Variants in CYTIP observed in about 807,000 individuals in gnomAD.
CYTIP encodes cytohesin-interacting protein.
Under a neutral mutation model 43.8 loss-of-function variants are expected in CYTIP, and 26 were observed. The ratio of observed to expected loss-of-function variants is 0.59; its 90% CI spans 0.44 to 0.82. The LOEUF (loss-of-function observed/expected upper bound fraction) is 0.82. CYTIP is among the 40% of genes least tolerant of loss of function. The pLI is 0.00. For missense variants in CYTIP, 426 were observed against 443.1 expected, an observed-to-expected ratio of 0.96 and a Z score of 0.35; for synonymous variants, 162 against 162.9, an observed-to-expected ratio of 0.99 and a Z score of 0.04.
At chr2:157,424,586 G>A (rs1431918507) in intron 6 of CYTIP, among the ~76,000 whole-genome samples, 1 of 152,040 alleles carries the variant, frequency 6.6e-6, no homozygotes, top group African/African-American at 2.4e-5. Flanking sequence ...AGGAATTCAG[G>A]AGGCTGAGAT....
At chr2:157,442,380 G>A (rs1685931509) in intron 1 of CYTIP, among the ~76,000 whole-genome samples, 1 of 151,508 alleles carries the variant, frequency 6.6e-6, no homozygotes, top group African/African-American at 2.4e-5. Context: ...GCATGGGCTA[G>A]AGAGTAGATC....
intron 1 of CYTIP, among the ~76,000 whole-genome samples, chr2:157,440,549 C>T (rs1685889244): frequency 6.6e-6 from 1 of 152,106 alleles, no homozygotes; most frequent in Non-Finnish European, 1.5e-5. Flanking sequence ...AGTTACGGCA[C>T]CTGATGGGTG....
At chr2:157,416,238 G>T in intron 7 of CYTIP, 95 bp from the exon 8 acceptor site, 1 of 1,026,028 alleles carries the variant, frequency 9.7e-7, no homozygotes, top group Non-Finnish European at 1.4e-6. Context: ...ACACGAGAAA[G>T]AGTAAGGGTG....
chr2:157,415,931 G>A lies in CYTIP; in HGVS notation c.826C>T (p.Arg276Trp), dbSNP rs756398323. The A allele has an allele frequency of 2.5e-6, 4 of 1,614,064 alleles. No homozygotes were observed. Among genetic ancestry groups the A allele is most frequent in the Admixed American group, 3.3e-5 (2 of 60,000 alleles). Residue 276 changes from arginine (R) to tryptophan (W), a missense_variant, in exon 8 of 8, where the codon CGG becomes TGG. Coordinates refer to ENST00000264192, the MANE Select transcript of CYTIP (RefSeq NM_004288.5). ...SEDSSRGAFSRQTSTDDECFI... is the reference protein window; with the variant it reads ...SEDSSRGAFSWQTSTDDECFI... ...CACTCATCATCTGTACTCGTCTGCC[G>A]ACTGAAGGCACCCCTGCTGGAGTCC...
intron 7 of CYTIP, among the ~76,000 whole-genome samples, chr2:157,417,447 C>A (rs1292296269): frequency 1.3e-5 from 2 of 152,002 alleles, no homozygotes; most frequent in Non-Finnish European, 2.9e-5. Context: ...TATAGAACAG[C>A]AAGAATTTAT....
intron 7 of CYTIP, among the ~76,000 whole-genome samples, chr2:157,418,174 C>G (rs1297158357): frequency 6.6e-6 from 1 of 152,190 alleles, no homozygotes; most frequent in Non-Finnish European, 1.5e-5. Flanking sequence ...AACTATACAG[C>G]CCCTTAGCCG....
At chr2:157,430,070 TG>T (rs1237091624) in intron 5 of CYTIP, among the ~76,000 whole-genome samples, 1 of 144,828 alleles carries the variant, frequency 6.9e-6, no homozygotes, top group Non-Finnish European at 1.5e-5. Context: ...GAACATGTGG[TG>T]TGAGTATGTG....
At chr2:157,419,113 CT>C (rs1230920051) in intron 6 of CYTIP, among the ~76,000 whole-genome samples, 1 of 152,170 alleles carries the variant, frequency 6.6e-6, no homozygotes, top group Admixed American at 6.5e-5. Flanking sequence ...ATTCTTCTGC[CT>C]CAGCCTCCCA....
chr2:157,427,975 C>T (rs890022273), intron 5 of CYTIP, among the ~76,000 whole-genome samples: 1 of 152,176 alleles, frequency 6.6e-6, no homozygotes, highest in Non-Finnish European at 1.5e-5. Flanking sequence ...AATTTTGGTA[C>T]TAGAAGAAAC....
intron 1 of CYTIP, among the ~76,000 whole-genome samples, chr2:157,441,568 G>A (rs1685914641): frequency 6.7e-6 from 1 of 150,112 alleles, no homozygotes; most frequent in African/African-American, 2.5e-5. Flanking sequence ...ATGTGTGTGT[G>A]CCTGTGTGCA....
intron 6 of CYTIP, among the ~76,000 whole-genome samples, chr2:157,418,821 C>A (rs1484430966): frequency 6.6e-6 from 1 of 151,756 alleles, no homozygotes; most frequent in African/African-American, 2.4e-5. Context: ...TTTTAAAAAA[C>A]AAGAAAAACA....
chr2:157,418,281 G>A (rs1447397721), intron 7 of CYTIP, among the ~76,000 whole-genome samples: 1 of 152,058 alleles, frequency 6.6e-6, no homozygotes, highest in Admixed American at 6.5e-5. Context: ...GCCTGTTTTC[G>A]AGCATGTGCA....
chr2:157,417,188 A>G (rs145194475), intron 7 of CYTIP, among the ~76,000 whole-genome samples: 22 of 152,354 alleles, frequency 1.4e-4, no homozygotes, highest in Admixed American at 1.4e-3. Flanking sequence ...TGCAAGGTTG[A>G]GTACAGCCAG....
Position 157,430,588 on chromosome 2 carries a change from G to A in CYTIP, c.447C>T (p.Asp149=). 10 of 1,614,178 alleles carry A rather than the reference G, an allele frequency of 6.2e-6. No homozygotes were observed. Among genetic ancestry groups the A allele is most frequent in the Non-Finnish European group, 8.5e-6 (10 of 1,180,010 alleles). ...GCAGGTTTCCGGACGATCTGATCAG[G>A]TCAACGACTTGTTTGTAGGTAAAAC... is the stretch of plus-strand genomic sequence containing the variant. ...TEGFTYKQVV[D]LIRSSGNLLT... is the part of the protein sequence containing the mutation. Residue 149 remains aspartate, a synonymous_variant, in exon 5 of 8, where the codon GAC becomes GAT. Coordinates refer to ENST00000264192, the MANE Select transcript of CYTIP (RefSeq NM_004288.5).
At chr2:157,425,000 T>A (rs964833518) in intron 6 of CYTIP, among the ~76,000 whole-genome samples, 17 of 151,982 alleles carry the variant, frequency 1.1e-4, no homozygotes, top group African/African-American at 4.1e-4. Flanking sequence ...TGGAAAAAAA[T>A]TAAATTGGAA....
intron 5 of CYTIP, among the ~76,000 whole-genome samples, chr2:157,430,001 C>T (rs914460948): frequency 4.4e-5 from 6 of 137,632 alleles, no homozygotes; most frequent in South Asian, 2.2e-4. Flanking sequence ...CCATCCAGGG[C>T]GACAGAGCGA....
At chr2:157,441,511 A>G (rs1473187171) in intron 1 of CYTIP, among the ~76,000 whole-genome samples, 1 of 152,214 alleles carries the variant, frequency 6.6e-6, no homozygotes, top group Non-Finnish European at 1.5e-5. Flanking sequence ...GGGAATGAGA[A>G]GACCTAGAAA....
chr2:157,424,095 C>A (rs1162003330), intron 6 of CYTIP, among the ~76,000 whole-genome samples: 2 of 152,056 alleles, frequency 1.3e-5, no homozygotes, highest in East Asian at 3.8e-4. Context: ...AATTTCTATT[C>A]ATTGTTGTAT....
chr2:157,415,803 C>A lies in CYTIP; in HGVS notation c.954G>T (p.Glu318Asp), dbSNP rs1289846616. Residue 318 changes from glutamate (E) to aspartate (D), a missense_variant, in exon 8 of 8, where the codon GAG (glutamate) becomes GAT (aspartate). Glu to Asp is a conservative substitution (Grantham distance 45, BLOSUM62 2). Coordinates refer to ENST00000264192, the MANE Select transcript of CYTIP (RefSeq NM_004288.5). ...TSSGSMSPLW[E>D]GNLSSMFGTL... ...TCCCAAACATGCTTGATAAGTTGCCCTCCCACAAGGGAGACATGGATCCGC... is the reference window on the plus strand; with the variant it reads ...TCCCAAACATGCTTGATAAGTTGCCATCCCACAAGGGAGACATGGATCCGC... 1.2e-6 allele frequency: 2 copies of A among 1,614,110 alleles called. No homozygotes were observed. The highest frequency in any genetic ancestry group is 4.5e-5 in the East Asian group (2 of 44,900).
Sources: gnomAD v4.1 joint callset for allele counts (sites outside exome capture counted in the v4.1 genomes callset) on GRCh38, gnomAD v4.1.1 for gene constraint, MANE v1.5 for transcripts, NCBI Gene and HGNC (gene_info 2026-07-23, HGNC 2026-07-21) for gene names.